SLC1A1: variants seen among roughly 807,000 people sequenced by gnomAD.
SLC1A1 encodes the protein excitatory amino acid transporter 3.
SLC1A1 carries 43 observed loss-of-function variants against 53.3 expected under a neutral mutation model. The observed-to-expected ratio is 0.81, with a 90% CI of 0.63 to 1.04. The LOEUF is 1.04. Among genes scored for constraint, SLC1A1 ranks in the 50% least tolerant of loss-of-function variants. The pLI is 0.00. For synonymous variants in SLC1A1, 307 were observed against 243.2 expected, an observed-to-expected ratio of 1.26 and a Z score of -2.44; for missense variants, 748 against 664.9, an observed-to-expected ratio of 1.12 and a Z score of -1.37.
At chr9:4,518,992 G>A (rs1815965069) in intron 1 of SLC1A1, among the ~76,000 whole-genome samples, 1 of 152,156 alleles carries the variant, frequency 6.6e-6, no homozygotes, top group Non-Finnish European at 1.5e-5. Flanking sequence ...ATTGTGTCAT[G>A]TTTTTTCACT....
chr9:4,574,021 C>G lies in SLC1A1; in HGVS notation c.875+7C>G. The G allele has an allele frequency of 6.3e-7, 1 of 1,575,180 alleles. No homozygotes were observed. The highest frequency in any genetic ancestry group is 8.7e-7 in the Non-Finnish European group (1 of 1,144,552). On this transcript the variant is annotated splice_region_variant and intron_variant, in intron 8 of 11. Coordinates refer to ENST00000262352, the MANE Select transcript of SLC1A1 (RefSeq NM_004170.6). ...TGGCCACAGTCCTGACTGGGTATGTCAGACTCAAGAGAAGAGACAGAAACC... is the reference window on the plus strand; with the variant it reads ...TGGCCACAGTCCTGACTGGGTATGTGAGACTCAAGAGAAGAGACAGAAACC...
intron 1 of SLC1A1, 66 bp from the exon 2 acceptor site, chr9:4,544,501 T>C (rs962001910): frequency 1.8e-5 from 26 of 1,435,952 alleles, no homozygotes; most frequent in Middle Eastern, 1.7e-4. Context: ...TATTTTTCCA[T>C]AGACATAGAT....
chr9:4,552,068 C>T (rs1248866543), intron 2 of SLC1A1, among the ~76,000 whole-genome samples: 1 of 152,176 alleles, frequency 6.6e-6, no homozygotes, highest in Non-Finnish European at 1.5e-5. Context: ...TCTGACTAAA[C>T]AGGTATTAGA....
chr9:4,565,502 G>A (rs1819399319), intron 4 of SLC1A1, among the ~76,000 whole-genome samples: 1 of 152,158 alleles, frequency 6.6e-6, no homozygotes, highest in Admixed American at 6.6e-5. Flanking sequence ...CATCTTACAT[G>A]GCTGCAGGAG....
intron 2 of SLC1A1, among the ~76,000 whole-genome samples, chr9:4,560,431 G>C (rs1489494022): frequency 6.6e-6 from 1 of 151,912 alleles, no homozygotes; most frequent in African/African-American, 2.4e-5. Flanking sequence ...AGAAGAGAGA[G>C]GGTTAGAAAC....
rs532331741 is a variant in SLC1A1, at chr9:4,523,845, G to A, written c.92-20722G>A. 1.1e-3 allele frequency among the ~76,000 whole-genome samples: 172 copies of A among 152,300 alleles called. 3 individuals are homozygous for A. In the Middle Eastern group the frequency reaches 0.02, roughly 18 times the overall value. ...TGTTCTTCCCATTGTTATAGGTGAG[G>A]AAACAGAGGCACAGGCTACAGGGTA... On this transcript the variant is annotated intron_variant, in intron 1 of 11. Coordinates refer to ENST00000262352, the MANE Select transcript of SLC1A1 (RefSeq NM_004170.6).
intron 2 of SLC1A1, among the ~76,000 whole-genome samples, chr9:4,559,121 T>C (rs1197187044): frequency 6.6e-6 from 1 of 152,226 alleles, no homozygotes; most frequent in Non-Finnish European, 1.5e-5. Context: ...TCAATCTCTC[T>C]TGACTTTTTT....
At chr9:4,542,102 C>G (rs1039910107) in intron 1 of SLC1A1, among the ~76,000 whole-genome samples, 1 of 152,096 alleles carries the variant, frequency 6.6e-6, no homozygotes, top group Non-Finnish European at 1.5e-5. Flanking sequence ...TGTGACATCC[C>G]AACTTCATTT....
intron 1 of SLC1A1, among the ~76,000 whole-genome samples, chr9:4,502,363 G>C (rs1055960214): frequency 8.3e-6 from 1 of 120,082 alleles, no homozygotes; most frequent in African/African-American, 3.4e-5. Context: ...CTCCTGCCCG[G>C]GTGATAGAAT....
chr9:4,585,004 C>G (rs1821458552), intron 11 of SLC1A1, among the ~76,000 whole-genome samples: 1 of 152,154 alleles, frequency 6.6e-6, no homozygotes, highest in Non-Finnish European at 1.5e-5. Context: ...GGCTGAAAAA[C>G]TTACTGAATT....
chr9:4,526,286 T>C (rs1214596511), intron 1 of SLC1A1, among the ~76,000 whole-genome samples: 2 of 152,184 alleles, frequency 1.3e-5, no homozygotes, highest in Non-Finnish European at 2.9e-5. Context: ...AAATAGGGAA[T>C]GTGATATGGA....
At chr9:4,507,383 C>T (rs1820842496) in intron 1 of SLC1A1, among the ~76,000 whole-genome samples, 1 of 152,094 alleles carries the variant, frequency 6.6e-6, no homozygotes, top group Non-Finnish European at 1.5e-5. Context: ...TAATGTAATC[C>T]ACTGTTGTTA....
chr9:4,544,595 A>G lies in SLC1A1; in HGVS notation c.120A>G (p.Glu40=), dbSNP rs749298509. 27 of 1,613,806 alleles carry G rather than the reference A, an allele frequency of 1.7e-5. No individual in the cohort carries two copies. The Admixed American group carries it at 4.3e-4, about 26-fold the overall frequency. The change falls in exon 2 of 12, where the codon GAA becomes GAG. Residue 40 remains glutamate, a synonymous_variant. Transcript: ENST00000262352. ...LGITTGVLVR[E]HSNLSTLEKF... ...TTACCACAGGAGTCTTGGTTCGAGA[A>G]CACAGCAACCTCTCAACTCTAGAGA...
chr9:4,513,843 C>T (rs193079672), intron 1 of SLC1A1, among the ~76,000 whole-genome samples: 133 of 152,268 alleles, frequency 8.7e-4, no homozygotes, highest in African/African-American at 3.1e-3. Flanking sequence ...ATCCATAAAA[C>T]GTGATCTATT....
rs72687842 is a variant in SLC1A1 at position 4,498,512 on chromosome 9, C to G, written c.91+7742C>G. Among the ~76,000 whole-genome samples, 650 of 149,546 alleles carry G rather than the reference C, an allele frequency of 4.3e-3. 5 individuals are homozygous for G. The highest frequency in any genetic ancestry group is 0.015 in the African/African-American group (619 of 41,186). On this transcript the variant is annotated intron_variant, in intron 1 of 11. Transcript: ENST00000262352. ...ATATCCTCAAAACCAGTGATTTCCA[C>G]AACAATAATCAGTTTGACATAGGGA...
chr9:4,513,046 C>G (rs1821048810), intron 1 of SLC1A1, among the ~76,000 whole-genome samples: 1 of 151,978 alleles, frequency 6.6e-6, no homozygotes. Context: ...TGAACCTCAA[C>G]CTAAAATCAC....
chr9:4,577,174 T>C (rs1025214243), intron 10 of SLC1A1, among the ~76,000 whole-genome samples: 5 of 152,216 alleles, frequency 3.3e-5, no homozygotes, highest in Admixed American at 2.6e-4. Context: ...TGGTTCTAGC[T>C]GGGAAGGTGA....
intron 1 of SLC1A1, among the ~76,000 whole-genome samples, chr9:4,507,586 A>G (rs1462947854): frequency 6.6e-6 from 1 of 152,204 alleles, no homozygotes; most frequent in Non-Finnish European, 1.5e-5. Context: ...GAGAAGGGTG[A>G]ACAGTTAGCA....
In SLC1A1 at chr9:4,566,091, T is replaced by C; in HGVS notation, c.483+2T>C. ...CTTGTCCAGGCCTGTTTTCAGCAGGTAATATTAATTACTTGTGCCCTTAAC... is the reference window on the plus strand; with the variant it reads ...CTTGTCCAGGCCTGTTTTCAGCAGGCAATATTAATTACTTGTGCCCTTAAC... On this transcript the variant is annotated splice_donor_variant, in intron 5 of 11. Coordinates refer to ENST00000262352, the MANE Select transcript of SLC1A1 (RefSeq NM_004170.6). LOFTEE classifies it high-confidence loss of function. The C allele has an allele frequency of 6.2e-7, 1 of 1,610,980 alleles. No individual in the cohort carries two copies. The highest frequency in any genetic ancestry group is 8.5e-7 in the Non-Finnish European group (1 of 1,177,202).
Sources: allele counts gnomAD v4.1 joint callset (sites outside exome capture counted in the v4.1 genomes callset), GRCh38; gene constraint gnomAD v4.1.1; transcripts MANE v1.5; gene names NCBI Gene and HGNC (gene_info 2026-07-23, HGNC 2026-07-21).